The following CELA2B variants were observed in gnomAD, a reference collection of about 807,000 sequenced individuals.
CELA2B encodes the protein chymotrypsin like elastase 2B.
CELA2B carries 27 observed loss-of-function variants against 36.5 expected under a neutral mutation model. That is an observed-to-expected ratio of 0.74 (90% CI 0.55 to 1.02). The LOEUF (loss-of-function observed/expected upper bound fraction) is 1.02. CELA2B is among the 50% of genes least tolerant of loss of function. The probability of loss-of-function intolerance (pLI) is 0.00; values close to 1 mark genes in which losing one functional copy is unlikely to be tolerated. For missense variants in CELA2B, 340 were observed against 347.8 expected (o/e 0.98, Z 0.18); for synonymous variants, 143 against 148.5 (o/e 0.96, Z 0.27).
At chr1:15,479,524 C>T (rs1485210660) in intron 2 of CELA2B, among the ~76,000 whole-genome samples, 26 of 152,006 alleles carry the variant, frequency 1.7e-4, no homozygotes, top group African/African-American at 5.6e-4. Flanking sequence ...CCAGCCTGGG[C>T]GACAGAGGGA....
At position 15,485,884 on chromosome 1, in the gene CELA2B, T is replaced by C. The variant is rs747571473; in HGVS notation, c.494-17T>C. ...GAGTCCCTGCGTCCCTAATGGCTTC[T>C]CTCTGGTCTCATTCAGCCAACGGGG... On this transcript the variant is annotated splice_polypyrimidine_tract_variant and intron_variant, in intron 5 of 7. Transcript: ENST00000375910. 1 of 1,613,974 alleles carries C rather than the reference T, an allele frequency of 6.2e-7. No individual in the cohort carries two copies. Among genetic ancestry groups the C allele is most frequent in the South Asian group, 1.1e-5 (1 of 91,070 alleles).
chr1:15,482,310 C>T lies in CELA2B; in HGVS notation c.273C>T (p.Tyr91=), dbSNP rs200537312. ...TGATGCTGGGCCAGCATAACCTCTACGTTGCAGAGTCCGGCTCGCTGGCCG... is the reference window on the plus strand; with the variant it reads ...TGATGCTGGGCCAGCATAACCTCTATGTTGCAGAGTCCGGCTCGCTGGCCG... The part of the protein sequence containing the change: ...YRVMLGQHNL[Y]VAESGSLAVS... Residue 91 remains tyrosine (Y), a synonymous_variant, in exon 4 of 8, where the codon TAC becomes TAT. Coordinates refer to ENST00000375910, the MANE Select transcript of CELA2B (RefSeq NM_015849.3). The T allele has an allele frequency of 2.0e-5, 33 of 1,614,008 alleles. No homozygotes were observed. The highest frequency in any genetic ancestry group is 1.3e-4 in the East Asian group (6 of 44,884).
chr1:15,477,290 TATA>T (rs1253939692), intron 2 of CELA2B, among the ~76,000 whole-genome samples: 1 of 152,194 alleles, frequency 6.6e-6, no homozygotes. Flanking sequence ...CTTAAGTTGA[TATA>T]ATAGTGATAT....
At chr1:15,483,132 C>T in intron 4 of CELA2B, 132 bp from the exon 5 acceptor site, 3 of 1,394,238 alleles carry the variant, frequency 2.2e-6, no homozygotes, top group Admixed American at 4.4e-5. Context: ...CAAACATGCC[C>T]TGTGGGCCCT....
chr1:15,490,600 G>A (rs1417668924), intron 7 of CELA2B, among the ~76,000 whole-genome samples: 3 of 152,160 alleles, frequency 2.0e-5, no homozygotes, highest in Non-Finnish European at 4.4e-5. Context: ...GGGCGCGGTG[G>A]CTCACGCCTG....
Position 15,482,261 on chromosome 1 carries a change from C to T in CELA2B, c.228-4C>T, listed in dbSNP as rs1229876779. The T allele has an allele frequency of 6.2e-7, 1 of 1,613,674 alleles. No homozygotes were observed. Among genetic ancestry groups the T allele is most frequent in the African/African-American group, 1.3e-5 (1 of 74,898 alleles). The stretch of plus-strand genomic sequence containing the variant: ...ACCCTCTCCCTGGGACCCCTTTCTC[C>T]CAGCTCCTCCGGGATCTACCGCGTG... On this transcript the variant is annotated splice_region_variant and splice_polypyrimidine_tract_variant and intron_variant, in intron 3 of 7. Coordinates refer to ENST00000375910, the MANE Select transcript of CELA2B (RefSeq NM_015849.3).
chr1:15,485,053 C>T (rs1350338057), intron 5 of CELA2B, among the ~76,000 whole-genome samples: 2 of 152,016 alleles, frequency 1.3e-5, no homozygotes, highest in South Asian at 2.1e-4. Context: ...ATGTGCACCA[C>T]GCCCAGCTAA....
chr1:15,483,795 G>A (rs1708772504), intron 5 of CELA2B, among the ~76,000 whole-genome samples: 1 of 152,072 alleles, frequency 6.6e-6, no homozygotes, highest in African/African-American at 2.4e-5. Flanking sequence ...CAGGTGTGGT[G>A]TTGTGCGCCT....
chr1:15,477,912 A>T (rs560762277), intron 2 of CELA2B, among the ~76,000 whole-genome samples: 19 of 152,346 alleles, frequency 1.2e-4, no homozygotes, highest in African/African-American at 4.6e-4. Context: ...AGCAACTAGC[A>T]GCCCACTAGC....
At chr1:15,484,690 C>T (rs1159662585) in intron 5 of CELA2B, among the ~76,000 whole-genome samples, 2 of 152,142 alleles carry the variant, frequency 1.3e-5, no homozygotes, top group African/African-American at 4.8e-5. Flanking sequence ...AGTGGGGAGG[C>T]CTCCAAATGC....
At chr1:15,482,508 A>G in intron 4 of CELA2B, 115 bp downstream of exon 4, 1 of 1,431,874 alleles carries the variant, frequency 7.0e-7, no homozygotes, top group Non-Finnish European at 9.6e-7. Context: ...TATAGGGAAG[A>G]GAAAGGAGCT....
intron 5 of CELA2B, among the ~76,000 whole-genome samples, chr1:15,484,346 C>T (rs1708779441): frequency 6.6e-6 from 1 of 152,020 alleles, no homozygotes; most frequent in Non-Finnish European, 1.5e-5. Flanking sequence ...TGTGAAAACA[C>T]CAGAGGTTTG....
At chr1:15,477,332 G>T (rs1708685411) in intron 2 of CELA2B, among the ~76,000 whole-genome samples, 1 of 152,142 alleles carries the variant, frequency 6.6e-6, no homozygotes, top group Admixed American at 6.5e-5. Context: ...TGGGGCACAG[G>T]CACAAATTAC....
At chr1:15,477,235 C>A (rs756799801) in intron 2 of CELA2B, among the ~76,000 whole-genome samples, 1 of 152,214 alleles carries the variant, frequency 6.6e-6, no homozygotes, top group Non-Finnish European at 1.5e-5. Flanking sequence ...GCAGATTCAT[C>A]TTTAACTACA....
intron 2 of CELA2B, among the ~76,000 whole-genome samples, chr1:15,479,830 G>T (rs1318880133): frequency 6.6e-6 from 1 of 152,194 alleles, no homozygotes; most frequent in Admixed American, 6.5e-5. Context: ...TTCCAGGGAG[G>T]AGGAAGAGCC....
chr1:15,479,701 ATG>A (rs994062993), intron 2 of CELA2B, among the ~76,000 whole-genome samples: 3 of 152,222 alleles, frequency 2.0e-5, no homozygotes, highest in East Asian at 3.8e-4. Context: ...GCGTGCACGC[ATG>A]TGTGTGTGCA....
Position 15,487,408 on chromosome 1 carries a change from G to T in CELA2B, c.763G>T (p.Val255Phe). The change falls in exon 7 of 8, where the codon GTC (valine) becomes TTC (phenylalanine). Residue 255 changes from valine to phenylalanine, a missense_variant. Physicochemically the swap from Val to Phe is conservative, Grantham distance 50 (BLOSUM62 -1). Transcript: ENST00000375910. The stretch of plus-strand genomic sequence containing the variant: ...CTACAAGCCCTCCATCTTCACGCGG[G>T]TCTCCAACTACAACGACTGGATCAA... ...YYYKPSIFTR[V>F]SNYNDWINSV... The T allele has an allele frequency of 1.2e-6, 2 of 1,614,232 alleles. No individual in the cohort carries two copies. Among genetic ancestry groups the T allele is most frequent in the South Asian group, 1.1e-5 (1 of 91,088 alleles).
Position 15,481,147 on chromosome 1 carries a change from G to A in CELA2B, c.179G>A (p.Gly60Glu), listed in dbSNP as rs1708737335. Residue 60 changes from glycine (G) to glutamate (E), a missense_variant, in exon 3 of 8, where the codon GGG becomes GAG. By Grantham distance (98) the Gly-to-Glu change is moderately conservative (BLOSUM62 -2). Transcript: ENST00000375910. ...GGCCAGTGGTACCACACCTGCGGAGGGTCCCTGATAGCCAACAGCTGGGTC... is the reference window on the plus strand; with the variant it reads ...GGCCAGTGGTACCACACCTGCGGAGAGTCCCTGATAGCCAACAGCTGGGTC... ...SNGQWYHTCG[G>E]SLIANSWVLT... The A allele has an allele frequency of 6.2e-7, 1 of 1,613,736 alleles. No homozygotes were observed. The highest frequency in any genetic ancestry group is 8.5e-7 in the Non-Finnish European group (1 of 1,180,024).
At chr1:15,478,685 C>T (rs1219520635) in intron 2 of CELA2B, among the ~76,000 whole-genome samples, 1 of 151,770 alleles carries the variant, frequency 6.6e-6, no homozygotes, top group East Asian at 1.9e-4. Context: ...CCTGCCTCAG[C>T]CTCCTGAGTA....
Sources: gnomAD v4.1 joint callset for allele counts (sites outside exome capture counted in the v4.1 genomes callset) on GRCh38, gnomAD v4.1.1 for gene constraint, MANE v1.5 for transcripts, NCBI Gene and HGNC (gene_info 2026-07-23, HGNC 2026-07-21) for gene names.